The following CSMD1 variants were observed in gnomAD, a reference collection of about 807,000 sequenced individuals.
The protein encoded by CSMD1 is CUB and sushi domain-containing protein 1.
Under a neutral mutation model 417.5 loss-of-function variants are expected in CSMD1, and 213 were observed. The observed-to-expected ratio is 0.51, with a 90% confidence interval of 0.46 to 0.57. CSMD1 has a LOEUF of 0.57. CSMD1 is among the 20% of genes least tolerant of loss of function. The pLI is 0.00. For missense variants in CSMD1, 6,923 were observed against 4,529.7 expected (o/e 1.53, Z -15.17); for synonymous variants, 2,862 against 1,736.8 (o/e 1.65, Z -16.11).
At chr8:4,116,826 A>G (rs1802179162) in intron 3 of CSMD1, among the ~76,000 whole-genome samples, 1 of 126,858 alleles carries the variant, frequency 7.9e-6, no homozygotes, top group African/African-American at 2.8e-5. Flanking sequence ...AATAGGGTCT[A>G]TTAAAAAAAA....
chr8:3,344,020 G>T (rs1183555481), intron 22 of CSMD1, among the ~76,000 whole-genome samples: 4 of 152,148 alleles, frequency 2.6e-5, no homozygotes, highest in Non-Finnish European at 2.9e-5. Flanking sequence ...TAGTAATACA[G>T]AAGTGTGATG....
intron 3 of CSMD1, among the ~76,000 whole-genome samples, chr8:4,171,968 T>A (rs1340241034): frequency 6.6e-6 from 1 of 152,202 alleles, no homozygotes; most frequent in African/African-American, 2.4e-5. Context: ...AATGTAATAA[T>A]CAGCATCCTT....
chr8:2,972,408 T>C (rs1410377975), intron 57 of CSMD1, among the ~76,000 whole-genome samples: 2 of 152,220 alleles, frequency 1.3e-5, no homozygotes, highest in Non-Finnish European at 2.9e-5. Flanking sequence ...AGGAGTTTGC[T>C]TGTAAAGAAT....
intron 2 of CSMD1, among the ~76,000 whole-genome samples, chr8:4,561,166 T>C (rs1188429115): frequency 6.6e-6 from 1 of 152,080 alleles, no homozygotes; most frequent in Non-Finnish European, 1.5e-5. Context: ...GGTCAGGAGA[T>C]CAAGACCATC....
rs72331833 is a variant in CSMD1, at chr8:3,720,620, T to TTCACACACAC, written c.932-12130_932-12129insGTGTGTGTGA. 8.7e-3 allele frequency among the ~76,000 whole-genome samples: 1,252 copies of TTCACACACAC among 143,394 alleles called. 14 individuals carry two copies. The highest frequency in any genetic ancestry group is 0.03 in the East Asian group (146 of 4,816). The allele number at this position is 143,394 out of a possible 152,430, so 94.1% of individuals were successfully genotyped here. ...CATTGGTGGTCAAAGTCTTTATTCT[T>TTCACACACAC]ACACACACACACACACACACACACA... On this transcript the variant is annotated intron_variant, in intron 6 of 69. Coordinates refer to ENST00000635120, the MANE Select transcript of CSMD1 (RefSeq NM_033225.6).
At chr8:4,110,125 T>C (rs560695933) in intron 3 of CSMD1, among the ~76,000 whole-genome samples, 3 of 152,130 alleles carry the variant, frequency 2.0e-5, no homozygotes, top group Non-Finnish European at 4.4e-5. Flanking sequence ...GTTGGAAAAG[T>C]GTCTTAGAAT....
intron 18 of CSMD1, among the ~76,000 whole-genome samples, chr8:3,382,484 TTTAA>T (rs1192406724): frequency 8.1e-4 from 117 of 144,052 alleles, no homozygotes; most frequent in African/African-American, 2.5e-3. Context: ...AATCTATATA[TTTAA>T]TTAGTTATGT....
intron 50 of CSMD1, among the ~76,000 whole-genome samples, chr8:3,044,667 G>A (rs1342701093): frequency 6.6e-6 from 1 of 151,954 alleles, no homozygotes; most frequent in Non-Finnish European, 1.5e-5. Context: ...ATCTGCCTCG[G>A]AGATCTGCAC....
At chr8:4,248,535 T>C (rs1802849705) in intron 3 of CSMD1, among the ~76,000 whole-genome samples, 1 of 152,220 alleles carries the variant, frequency 6.6e-6, no homozygotes, top group East Asian at 1.9e-4. Context: ...ATTTTAGGTT[T>C]TGCCATAGAC....
intron 10 of CSMD1, among the ~76,000 whole-genome samples, chr8:3,552,333 T>G (rs1013370489): frequency 2.0e-5 from 3 of 152,204 alleles, no homozygotes; most frequent in African/African-American, 7.2e-5. Context: ...TATTCTCTTT[T>G]TTTTTGCATA....
At chr8:4,657,755 A>G (rs2130912212) in intron 1 of CSMD1, among the ~76,000 whole-genome samples, 1 of 151,770 alleles carries the variant, frequency 6.6e-6, no homozygotes, top group South Asian at 2.1e-4. Context: ...AAAAGCACGG[A>G]CATTTGAATT....
chr8:4,138,239 G>A (rs1313844419), intron 3 of CSMD1, among the ~76,000 whole-genome samples: 2 of 134,576 alleles, frequency 1.5e-5, no homozygotes, highest in East Asian at 2.2e-4. Context: ...GTCTCTAACT[G>A]ATGGGTTTTC....
chr8:3,644,807 C>A (rs1212673988), intron 7 of CSMD1, among the ~76,000 whole-genome samples: 1 of 151,916 alleles, frequency 6.6e-6, no homozygotes, highest in Admixed American at 6.6e-5. Context: ...AGCATTTCCA[C>A]TTAACATCCT....
At chr8:3,643,339 A>G (rs944398813) in intron 7 of CSMD1, among the ~76,000 whole-genome samples, 23 of 152,160 alleles carry the variant, frequency 1.5e-4, no homozygotes, top group African/African-American at 5.3e-4. Context: ...GAGAAAAAGC[A>G]GAATCACTGA....
chr8:3,595,269 T>C lies in CSMD1; in HGVS notation c.1098-9009A>G, dbSNP rs534731060. Among the ~76,000 whole-genome samples the C allele has an allele frequency of 4.6e-5, 7 of 152,288 alleles. No individual in the cohort carries two copies. The East Asian group carries it at 5.8e-4, about 13-fold the overall frequency. ...CACATGCTAGGGAAACAATGTCCCA[T>C]TGTGTGACTTGCTCAGCATTCCAGA... On this transcript the variant is annotated intron_variant, in intron 8 of 69. Transcript: ENST00000635120.
chr8:3,155,524 CG>C (rs1034671138), intron 39 of CSMD1, among the ~76,000 whole-genome samples: 29 of 151,420 alleles, frequency 1.9e-4, no homozygotes, highest in African/African-American at 7.0e-4. Context: ...GTCGCCACCA[CG>C]CCCAGCTAAT....
intron 2 of CSMD1, among the ~76,000 whole-genome samples, chr8:4,505,216 C>G (rs561194616): frequency 8.5e-5 from 13 of 152,178 alleles, no homozygotes; most frequent in African/African-American, 3.1e-4. Context: ...AGTTAGAGGT[C>G]TTGATTTGTA....
intron 2 of CSMD1, among the ~76,000 whole-genome samples, chr8:4,553,737 T>G (rs1281563612): frequency 6.6e-6 from 1 of 152,226 alleles, no homozygotes; most frequent in East Asian, 1.9e-4. Context: ...ATGCTATTAG[T>G]GTACAGAATA....
At chr8:4,147,096 T>C (rs1804183517) in intron 3 of CSMD1, among the ~76,000 whole-genome samples, 2 of 152,012 alleles carry the variant, frequency 1.3e-5, no homozygotes, top group Non-Finnish European at 2.9e-5. Context: ...CCAATGACTG[T>C]TTAGAACCAT....
Sources: allele counts gnomAD v4.1 joint callset (sites outside exome capture counted in the v4.1 genomes callset), GRCh38; gene constraint gnomAD v4.1.1; transcripts MANE v1.5; gene names NCBI Gene and HGNC (gene_info 2026-07-23, HGNC 2026-07-21).